Variants in FOXJ3 observed in about 807,000 individuals in gnomAD.
FOXJ3 encodes the protein forkhead box J3, also known as forkhead box protein J3.
A neutral mutation model predicts 76.1 loss-of-function variants in FOXJ3; 22 were observed. That is an observed-to-expected ratio of 0.29 (90% CI 0.21 to 0.41). The LOEUF (loss-of-function observed/expected upper bound fraction) is 0.41, where lower values mean the gene tolerates loss of function less well. FOXJ3 is among the 10% of genes least tolerant of loss of function. The pLI is 1.00. For missense variants in FOXJ3, 613 were observed against 762.1 expected, an observed-to-expected ratio of 0.80 and a Z score of 2.30; for synonymous variants, 269 against 261.2, an observed-to-expected ratio of 1.03 and a Z score of -0.29.
At position 42,194,961 on chromosome 1, in the gene FOXJ3, T is replaced by A. The variant is rs761528983; in HGVS notation, c.863A>T (p.Asn288Ile). The A allele has an allele frequency of 5.0e-6, 8 of 1,613,270 alleles. No homozygotes were observed. The highest frequency in any genetic ancestry group is 6.8e-6 in the Non-Finnish European group (8 of 1,179,592). Residue 288 changes from asparagine to isoleucine, a missense_variant, in exon 8 of 13, where the codon AAT becomes ATT. Asn to Ile is a moderately radical substitution (Grantham distance 149). This residue lies in a region of FOXJ3 where 526 missense variants were observed against 601.4 expected (regional missense o/e 0.87). Coordinates refer to ENST00000361346, the MANE Select transcript of FOXJ3 (RefSeq NM_014947.5). ...RDKQLLFSEY[N>I]FEDLSASFRS... ...AAATGAGGCACTAAGATCTTCAAAA[T>A]TATATTCTGAGAAAAGTAGTTGCTT...
chr1:42,229,962 C>A, intron 4 of FOXJ3, among the ~76,000 whole-genome samples: 1 of 152,230 alleles, frequency 6.6e-6, no homozygotes, highest in East Asian at 1.9e-4. Flanking sequence ...CATTCAATGT[C>A]CAAACTTGAC....
At chr1:42,278,303 T>A (rs1438300069) in intron 3 of FOXJ3, 45 bp downstream of exon 3, 1 of 1,285,066 alleles carries the variant, frequency 7.8e-7, no homozygotes, top group East Asian at 2.3e-5. Context: ...GAAATCAACA[T>A]CATTGCTTAC....
Position 42,189,415 on chromosome 1 carries a change from T to C in FOXJ3, c.1352-11A>G, listed in dbSNP as rs1646498646. The stretch of plus-strand genomic sequence containing the variant: ...AATCATTTGAAACACCTATAAAATA[T>C]TGACAACAGTGTAATTCCTGGATGG... On this transcript the variant is annotated splice_polypyrimidine_tract_variant and intron_variant, in intron 9 of 12. Transcript: ENST00000361346. 4 of 1,565,964 alleles carry C rather than the reference T, an allele frequency of 2.6e-6. No homozygotes were observed. The highest frequency in any genetic ancestry group is 3.5e-6 in the Non-Finnish European group (4 of 1,137,218).
At chr1:42,323,244 CT>C (rs924683566) in intron 1 of FOXJ3, among the ~76,000 whole-genome samples, 2 of 152,108 alleles carry the variant, frequency 1.3e-5, no homozygotes, top group African/African-American at 2.4e-5. Flanking sequence ...GAGATAAACA[CT>C]TTTTTTCTCT....
intron 4 of FOXJ3, among the ~76,000 whole-genome samples, chr1:42,250,798 C>CA (rs61431089): frequency 0.024 from 565 of 23,628 alleles, 26 homozygotes; most frequent in African/African-American, 0.06. Flanking sequence ...AACTCCATCT[C>CA]AAAAAAAAAA....
At chr1:42,333,375 A>G (rs558601422) in intron 1 of FOXJ3, among the ~76,000 whole-genome samples, 1 of 152,272 alleles carries the variant, frequency 6.6e-6, no homozygotes, top group East Asian at 1.9e-4. Context: ...CTAATGAACA[A>G]AAAAGAGCCA....
chr1:42,273,907 A>G (rs1380719892), intron 3 of FOXJ3, among the ~76,000 whole-genome samples: 1 of 152,162 alleles, frequency 6.6e-6, no homozygotes, highest in East Asian at 1.9e-4. Context: ...CATGTGCCCT[A>G]AAAAGCAGTA....
intron 8 of FOXJ3, among the ~76,000 whole-genome samples, chr1:42,194,561 C>G (rs550186239): frequency 2.0e-5 from 3 of 152,182 alleles, no homozygotes; most frequent in African/African-American, 7.2e-5. Context: ...ACATTCACCA[C>G]TCAAACACTT....
chr1:42,319,363 TAAC>T (rs1171957187), intron 1 of FOXJ3, among the ~76,000 whole-genome samples: 2 of 152,202 alleles, frequency 1.3e-5, no homozygotes, highest in Non-Finnish European at 2.9e-5. Flanking sequence ...GTATAACCCT[TAAC>T]AACATTATGC....
Position 42,191,502 on chromosome 1 carries a change from G to A in FOXJ3, c.1152C>T (p.Pro384=). ...GCTGCGGTAAACCATGCGGTCGATG[G>A]GGAGGATGTGGAGATGGCTGTGTGT... ...QMHTQPSPHP[P]HRPHGLPQHP... is the part of the protein sequence containing the mutation. The change falls in exon 9 of 13, where the codon CCC becomes CCT. Residue 384 remains proline (P), a synonymous_variant. Coordinates refer to ENST00000361346, the MANE Select transcript of FOXJ3 (RefSeq NM_014947.5). 3.7e-6 allele frequency: 6 copies of A among 1,614,016 alleles called. No individual in the cohort carries two copies. Among genetic ancestry groups the A allele is most frequent in the South Asian group, 1.1e-5 (1 of 91,072 alleles).
chr1:42,306,230 G>A (rs913172256), intron 2 of FOXJ3, among the ~76,000 whole-genome samples: 1 of 148,492 alleles, frequency 6.7e-6, no homozygotes. Context: ...GAAACAAAAA[G>A]ATTCTGCTAA....
At chr1:42,222,050 A>G (rs1490146677) in intron 5 of FOXJ3, among the ~76,000 whole-genome samples, 2 of 67,188 alleles carry the variant, frequency 3.0e-5, no homozygotes, top group Non-Finnish European at 2.9e-5. Context: ...GAGAAGGAGA[A>G]GAAGAAGAAG....
chr1:42,309,714 G>GT (rs1441479206), intron 2 of FOXJ3, among the ~76,000 whole-genome samples: 3 of 152,174 alleles, frequency 2.0e-5, no homozygotes, highest in Non-Finnish European at 2.9e-5. Flanking sequence ...ACAACCACAT[G>GT]TAACTAGTAG....
In FOXJ3 at chr1:42,237,405, C is replaced by CATATATATATATATAT. The variant is rs60560055; in HGVS notation, c.445-9455_445-9440dup. On this transcript the variant is annotated intron_variant, in intron 4 of 12. Coordinates refer to ENST00000361346, the MANE Select transcript of FOXJ3 (RefSeq NM_014947.5). ...ATATATATATATACATACATACATA[C>CATATATATATATATAT]ATATATATATATATATATATATACA... Among the ~76,000 whole-genome samples the CATATATATATATATAT allele has an allele frequency of 1.5e-3, 212 of 140,724 alleles. 1 individual carries two copies. Among genetic ancestry groups the CATATATATATATATAT allele is most frequent in the South Asian group, 3.4e-3 (15 of 4,412 alleles). 92.3% of individuals were successfully genotyped at this position (140,724 alleles called of 152,430 possible).
intron 1 of FOXJ3, among the ~76,000 whole-genome samples, chr1:42,329,955 G>A (rs528666130): frequency 6.6e-6 from 1 of 152,120 alleles, no homozygotes; most frequent in Admixed American, 6.5e-5. Flanking sequence ...GACTACAAGG[G>A]TTCAAATCCT....
At chr1:42,292,522 G>GA (rs1348578583) in intron 2 of FOXJ3, among the ~76,000 whole-genome samples, 1 of 152,086 alleles carries the variant, frequency 6.6e-6, no homozygotes, top group Non-Finnish European at 1.5e-5. Flanking sequence ...TCAAAATAAT[G>GA]AAACAAAACC....
intron 2 of FOXJ3, among the ~76,000 whole-genome samples, chr1:42,302,005 T>A (rs142397535): frequency 2.2e-4 from 34 of 152,294 alleles, no homozygotes; most frequent in African/African-American, 8.2e-4. Flanking sequence ...CTATAATATA[T>A]GTTGCGTAGG....
At chr1:42,264,019 G>A (rs910060790) in intron 4 of FOXJ3, among the ~76,000 whole-genome samples, 6 of 135,370 alleles carry the variant, frequency 4.4e-5, no homozygotes, top group Admixed American at 1.7e-4. Flanking sequence ...CCCAGCCATT[G>A]AGAGTCCAAT....
chr1:42,284,830 A>G (rs1652946993), intron 2 of FOXJ3, among the ~76,000 whole-genome samples: 1 of 152,244 alleles, frequency 6.6e-6, no homozygotes, highest in Non-Finnish European at 1.5e-5. Context: ...TAACTGTGAC[A>G]GCAGACAACA....
Sources: gnomAD v4.1 joint callset for allele counts (sites outside exome capture counted in the v4.1 genomes callset) on GRCh38, gnomAD v4.1.1 for gene constraint, gnomAD v4.1.1 regional missense constraint, MANE v1.5 for transcripts, NCBI Gene and HGNC (gene_info 2026-07-23, HGNC 2026-07-21) for gene names.